The following GALNT16 variants were observed in gnomAD, a reference collection of about 807,000 sequenced individuals.
GALNT16 encodes the protein polypeptide N-acetylgalactosaminyltransferase 16.
In GALNT16, 40 loss-of-function variants were observed where a neutral mutation model predicts 76.1. The ratio of observed to expected loss-of-function variants is 0.53; its 90% confidence interval spans 0.41 to 0.68. GALNT16 has a LOEUF of 0.68. Among genes scored for constraint, GALNT16 ranks in the 30% least tolerant of loss-of-function variants. The pLI is 0.00. For missense variants in GALNT16, 621 were observed against 731.9 expected (o/e 0.85, Z 1.75); for synonymous variants, 276 against 285.2 (o/e 0.97, Z 0.32).
Position 69,289,196 on chromosome 14 carries a change from T to C in GALNT16, c.177+28729T>C, listed in dbSNP as rs562150158. Among the ~76,000 whole-genome samples, 15 of 152,280 alleles carry C rather than the reference T, an allele frequency of 9.9e-5. 2 individuals carry two copies. In the South Asian group the frequency reaches 3.1e-3, roughly 32 times the overall value. On this transcript the variant is annotated intron_variant, in intron 1 of 14. Transcript: ENST00000448469. ...CCCAGTCAAATAGAAGTCTCATTGT[T>C]TTCCCTTTTGCGGCCTCTGAGGGAT...
chr14:69,308,298 TA>T (rs900900268), intron 1 of GALNT16, among the ~76,000 whole-genome samples: 3 of 151,372 alleles, frequency 2.0e-5, no homozygotes, highest in African/African-American at 4.8e-5. Flanking sequence ...CTTATTTATA[TA>T]AAAAAACCTG....
intron 1 of GALNT16, among the ~76,000 whole-genome samples, chr14:69,288,832 T>A (rs1283138775): frequency 6.6e-6 from 1 of 152,146 alleles, no homozygotes; most frequent in African/African-American, 2.4e-5. Flanking sequence ...AGGGGCATAT[T>A]TGAGTCTGGT....
At chr14:69,373,703 C>T in the GALNT16 span, among the ~76,000 whole-genome samples, 1 of 152,020 alleles carries the variant, frequency 6.6e-6, no homozygotes, top group Non-Finnish European at 1.5e-5. Flanking sequence ...AGTCTTCTTT[C>T]TCTTTTTCTT....
intron 1 of GALNT16, among the ~76,000 whole-genome samples, chr14:69,263,078 T>G (rs991251872): frequency 5.3e-5 from 8 of 151,880 alleles, no homozygotes; most frequent in African/African-American, 1.9e-4. Flanking sequence ...TGGGGTTTCA[T>G]CATGTTGCCC....
chr14:69,359,187 T>C (rs969978282), downstream of GALNT16: 1 of 152,220 alleles, frequency 6.6e-6, no homozygotes, highest in South Asian at 2.1e-4. Context: ...TGTAGCTCCT[T>C]GCTGACAGGA....
chr14:69,382,227 T>A, the GALNT16 span, among the ~76,000 whole-genome samples: 1 of 152,246 alleles, frequency 6.6e-6, no homozygotes, highest in Non-Finnish European at 1.5e-5. Context: ...ATCTGGTTTA[T>A]TAAAAATGTA....
chr14:69,383,529 C>A, the GALNT16 span, among the ~76,000 whole-genome samples: 1 of 152,160 alleles, frequency 6.6e-6, no homozygotes, highest in African/African-American at 2.4e-5. Flanking sequence ...ACAAAAAGGA[C>A]ATAACCAAAG....
the GALNT16 span, among the ~76,000 whole-genome samples, chr14:69,370,304 T>C: frequency 3.3e-5 from 5 of 152,200 alleles, no homozygotes; most frequent in Non-Finnish European, 5.9e-5. Context: ...AGGCTTCTTT[T>C]GTGGCCCAAA....
chr14:69,324,606 C>A, intron 2 of GALNT16, 86 bp from the exon 3 acceptor site: 1 of 691,668 alleles, frequency 1.4e-6, no homozygotes, highest in Non-Finnish European at 2.4e-6. Flanking sequence ...GAAGTATTCT[C>A]AGGCACAAGA....
rs571403849 is a variant in GALNT16, at chr14:69,326,019, G to T, written c.560G>T (p.Arg187Leu). The T allele has an allele frequency of 6.2e-7, 1 of 1,613,566 alleles. No homozygotes were observed. Among genetic ancestry groups the T allele is most frequent in the East Asian group, 2.2e-5 (1 of 44,880 alleles). The change falls in exon 5 of 15, where the codon CGG (arginine) becomes CTG (leucine). Residue 187 changes from arginine to leucine, a missense_variant. Transcript: ENST00000448469. ...AAGGTCAAGTGCCTGCGCAATGATC[G>T]GCGGGAAGGTGAGTCCTTGCACCCT... is the stretch of plus-strand genomic sequence containing the variant. Reference protein sequence around the residue: ...IPKVKCLRNDRREGLIRSRVR... With the variant: ...IPKVKCLRNDLREGLIRSRVR...
the GALNT16 span, among the ~76,000 whole-genome samples, chr14:69,369,968 G>A: frequency 6.6e-6 from 1 of 152,164 alleles, no homozygotes; most frequent in Non-Finnish European, 1.5e-5. Context: ...GGCACATTTG[G>A]CAGCTTTTTA....
At chr14:69,283,198 G>A (rs2044567236) in intron 1 of GALNT16, among the ~76,000 whole-genome samples, 3 of 152,194 alleles carry the variant, frequency 2.0e-5, no homozygotes, top group Admixed American at 2.0e-4. Flanking sequence ...AGAATTACAT[G>A]AAAAGACACT....
intron 1 of GALNT16, among the ~76,000 whole-genome samples, chr14:69,308,450 C>T (rs2044970629): frequency 6.6e-6 from 1 of 152,094 alleles, no homozygotes; most frequent in Non-Finnish European, 1.5e-5. Flanking sequence ...TGTTTATAAA[C>T]TATTTATATA....
At chr14:69,265,246 C>G (rs1291851534) in intron 1 of GALNT16, among the ~76,000 whole-genome samples, 1 of 152,302 alleles carries the variant, frequency 6.6e-6, no homozygotes, top group Non-Finnish European at 1.5e-5. Context: ...GGAGGGCTGG[C>G]AGCCCGAGAG....
At chr14:69,288,807 A>G (rs1205917818) in intron 1 of GALNT16, among the ~76,000 whole-genome samples, 2 of 152,120 alleles carry the variant, frequency 1.3e-5, no homozygotes, top group Non-Finnish European at 2.9e-5. Flanking sequence ...GAATGAGAGA[A>G]CCCACATGTG....
chr14:69,379,913 A>C, the GALNT16 span, among the ~76,000 whole-genome samples: 3 of 152,238 alleles, frequency 2.0e-5, no homozygotes, highest in African/African-American at 7.2e-5. Flanking sequence ...TAGTAGGTAC[A>C]AACCTTGGAG....
intron 14 of GALNT16, 120 bp downstream of exon 14, chr14:69,348,122 G>A (rs767271308): frequency 2.8e-5 from 28 of 1,006,706 alleles, no homozygotes; most frequent in Non-Finnish European, 1.2e-5. Context: ...GCGAGGATCT[G>A]TGGGGAGGGG....
At chr14:69,288,050 C>A (rs1261519028) in intron 1 of GALNT16, among the ~76,000 whole-genome samples, 1 of 152,174 alleles carries the variant, frequency 6.6e-6, no homozygotes, top group African/African-American at 2.4e-5. Context: ...AAGTCCAAAG[C>A]AAACTGACAG....
chr14:69,292,382 C>T (rs1211918070), intron 1 of GALNT16, among the ~76,000 whole-genome samples: 1 of 152,252 alleles, frequency 6.6e-6, no homozygotes, highest in Non-Finnish European at 1.5e-5. Context: ...CTGCTTAATG[C>T]TGCTGCCCCT....
Sources: allele counts gnomAD v4.1 joint callset (sites outside exome capture counted in the v4.1 genomes callset), GRCh38; gene constraint gnomAD v4.1.1; transcripts MANE v1.5; gene names NCBI Gene and HGNC (gene_info 2026-07-23, HGNC 2026-07-21).